Variants in PAH observed in about 807,000 individuals in gnomAD.
The protein encoded by PAH is phenylalanine-4-hydroxylase.
PAH carries 64 observed loss-of-function variants against 62.0 expected under a neutral mutation model. The ratio of observed to expected loss-of-function variants is 1.03; its 90% CI spans 0.84 to 1.27. The LOEUF (loss-of-function observed/expected upper bound fraction) is 1.27. PAH is among the 50% of genes most tolerant of loss of function. PAH has a pLI of 0.00. For missense variants in PAH, 579 were observed against 542.8 expected, an observed-to-expected ratio of 1.07 and a Z score of -0.66; for synonymous variants, 195 against 196.2, an observed-to-expected ratio of 0.99 and a Z score of 0.05.
chr12:102,937,730 T>C (rs1473323793), intron 1 of PAH, among the ~76,000 whole-genome samples: 1 of 152,226 alleles, frequency 6.6e-6, no homozygotes, highest in Non-Finnish European at 1.5e-5. Flanking sequence ...TGTTATTATA[T>C]TACATTTTTC....
At chr12:102,913,938 G>A (rs2136729569) in intron 1 of PAH, 1 of 673,980 alleles carries the variant, frequency 1.5e-6, no homozygotes, top group Non-Finnish European at 2.7e-6. Flanking sequence ...CTAAAACTGG[G>A]AAGAAAAAAA....
chr12:102,878,726 G>A lies in PAH; in HGVS notation c.353-1176C>T, dbSNP rs141895986. On this transcript the variant is annotated intron_variant, in intron 3 of 12. Transcript: ENST00000553106. The stretch of plus-strand genomic sequence containing the variant: ...AGAAAGAAAAGGAGGGAAGAAAGAA[G>A]GGAAGTAATGGATTCACCCTGGTTG... Among the ~76,000 whole-genome samples, 283 of 151,730 alleles carry A rather than the reference G, an allele frequency of 1.9e-3. 1 individual carries two copies. Among genetic ancestry groups the A allele is most frequent in the Middle Eastern group, 3.4e-3 (1 of 290 alleles).
chr12:102,928,215 T>C (rs1878741114), intron 1 of PAH, among the ~76,000 whole-genome samples: 1 of 152,212 alleles, frequency 6.6e-6, no homozygotes, highest in African/African-American at 2.4e-5. Context: ...ATGAGATATT[T>C]TGATACAATC....
intron 2 of PAH, among the ~76,000 whole-genome samples, chr12:102,895,771 C>T (rs1020416647): frequency 1.3e-5 from 2 of 150,230 alleles, no homozygotes; most frequent in Admixed American, 1.3e-4. Context: ...AGGGGAATTG[C>T]TTGAACCACG....
intron 3 of PAH, chr12:102,885,985 T>C (rs112037320): frequency 0.033 from 5,097 of 152,452 alleles, 102 homozygotes; most frequent in African/African-American, 0.058. Context: ...CCCTGTGTGC[T>C]GATCTCCACA....
chr12:102,913,708 G>C (rs1182807400), intron 1 of PAH: 5 of 670,122 alleles, frequency 7.5e-6, no homozygotes, highest in Non-Finnish European at 1.4e-5. Context: ...TTGAAAAAGA[G>C]TTACAAAATC....
At chr12:102,847,273 T>C in intron 8 of PAH, 1 of 391,454 alleles carries the variant, frequency 2.6e-6, no homozygotes. Context: ...TCCAGCTCAG[T>C]GATTATTCAT....
In PAH at chr12:102,851,729, A is replaced by G. The variant is rs751203209; in HGVS notation, c.870T>C (p.His290=). The G allele has an allele frequency of 4.7e-5, 76 of 1,614,028 alleles. No homozygotes were observed. Among genetic ancestry groups the G allele is most frequent in the Admixed American group, 1.2e-4 (7 of 60,002 alleles). Residue 290 remains histidine, a synonymous_variant, in exon 8 of 13, where the codon CAT becomes CAC. Transcript: ENST00000553106. ...AGCTGCGATCTGAAAACAAGGGCAC[A>G]TGTCCCAACAGCTCATGGCAGATGT... The part of the protein sequence containing the change: ...EPDICHELLG[H]VPLFSDRSFA...
At chr12:102,916,344 G>T (rs895878305) in intron 1 of PAH, among the ~76,000 whole-genome samples, 7 of 152,116 alleles carry the variant, frequency 4.6e-5, no homozygotes, top group African/African-American at 1.7e-4. Flanking sequence ...TGAATCTCAA[G>T]AGTCCAGGAG....
intron 4 of PAH, among the ~76,000 whole-genome samples, chr12:102,867,862 TATATAGATGTATATATA>T (rs1424144802): frequency 1.3e-4 from 18 of 140,134 alleles, no homozygotes; most frequent in South Asian, 4.7e-4. Context: ...TGTATATACA[TATATAGATGTATATATA>T]CATGTATATA....
chr12:102,939,967 AG>A (rs1879233766), intron 1 of PAH, among the ~76,000 whole-genome samples: 1 of 152,216 alleles, frequency 6.6e-6, no homozygotes, highest in Non-Finnish European at 1.5e-5. Context: ...GGAGGCAAGC[AG>A]GAGGAAATAC....
intron 3 of PAH, among the ~76,000 whole-genome samples, chr12:102,880,388 C>T (rs1172752347): frequency 6.6e-6 from 1 of 152,182 alleles, no homozygotes; most frequent in Non-Finnish European, 1.5e-5. Flanking sequence ...CAGGACATTG[C>T]CACCAAGGGG....
chr12:102,915,782 C>CA (rs1490648397), intron 1 of PAH, among the ~76,000 whole-genome samples: 1 of 151,996 alleles, frequency 6.6e-6, no homozygotes, highest in Non-Finnish European at 1.5e-5. Flanking sequence ...GATTCTTAAC[C>CA]ATAGAAAATT....
At chr12:102,932,759 G>A (rs763042100) in intron 1 of PAH, among the ~76,000 whole-genome samples, 17 of 152,094 alleles carry the variant, frequency 1.1e-4, no homozygotes, top group Non-Finnish European at 2.4e-4. Flanking sequence ...AAGGCAGTGG[G>A]TTCTTATAAG....
At chr12:102,873,071 T>C (rs545825023) in intron 4 of PAH, among the ~76,000 whole-genome samples, 6 of 152,326 alleles carry the variant, frequency 3.9e-5, no homozygotes, top group African/African-American at 1.4e-4. Flanking sequence ...CCCCCTCTAT[T>C]GTAGATCTGT....
At chr12:102,885,594 C>T (rs1017099014) in intron 3 of PAH, among the ~76,000 whole-genome samples, 1 of 152,146 alleles carries the variant, frequency 6.6e-6, no homozygotes, top group Non-Finnish European at 1.5e-5. Flanking sequence ...CCCTGGACAC[C>T]CACGTAGTGG....
upstream of PAH, among the ~76,000 whole-genome samples, chr12:102,921,535 A>G (rs917729427): frequency 1.3e-5 from 2 of 152,246 alleles, no homozygotes; most frequent in African/African-American, 4.8e-5. Context: ...TGAAATAACA[A>G]GTCCATCCTT....
At chr12:102,844,119 T>TC (rs1332134363) in intron 10 of PAH, among the ~76,000 whole-genome samples, 1 of 152,050 alleles carries the variant, frequency 6.6e-6, no homozygotes, top group Non-Finnish European at 1.5e-5. Flanking sequence ...AGGCCCCTTC[T>TC]CCCCAGAGAT....
At position 102,852,795 on chromosome 12, in the gene PAH, A is replaced by C. The variant is rs1875214490; in HGVS notation, c.842+20T>G. Reference sequence around the variant, plus strand: ...GCGCTCATTGTGCCTGGCAACTGGTAGCTGGAGGACAGTACTCACGGTTCG... The same window carrying C: ...GCGCTCATTGTGCCTGGCAACTGGTCGCTGGAGGACAGTACTCACGGTTCG... On this transcript the variant is annotated intron_variant, in intron 7 of 12. Transcript: ENST00000553106. 15 of 1,613,832 alleles carry C rather than the reference A, an allele frequency of 9.3e-6. No homozygotes were observed. Among genetic ancestry groups the C allele is most frequent in the Non-Finnish European group, 1.3e-5 (15 of 1,179,868 alleles).
Sources: gnomAD v4.1 joint callset for allele counts (sites outside exome capture counted in the v4.1 genomes callset) on GRCh38, gnomAD v4.1.1 for gene constraint, MANE v1.5 for transcripts, NCBI Gene and HGNC (gene_info 2026-07-23, HGNC 2026-07-21) for gene names.